Variants in CNTN1 observed in about 807,000 individuals in gnomAD.
The protein encoded by CNTN1 is contactin 1.
CNTN1 carries 38 observed loss-of-function variants against 126.4 expected under a neutral mutation model. The observed-to-expected ratio is 0.30, with a 90% CI of 0.23 to 0.39. The LOEUF (loss-of-function observed/expected upper bound fraction) is 0.39, where lower values mean the gene tolerates loss of function less well. Ranked by LOEUF, CNTN1 falls within the 10% of genes least tolerant of loss-of-function variation. The pLI is 1.00. For missense variants in CNTN1, 1,009 were observed against 1,248.4 expected (o/e 0.81, Z 2.89); for synonymous variants, 413 against 422.6 (o/e 0.98, Z 0.28).
chr12:40,719,004 AT>A (rs930548232), intron 1 of CNTN1, among the ~76,000 whole-genome samples: 3 of 150,466 alleles, frequency 2.0e-5, no homozygotes, highest in African/African-American at 2.4e-5. Context: ...GGAGGGGTTG[AT>A]TTTTTTTTAA....
At chr12:40,869,057 ATGATTAAATTT>A (rs1943401224) in intron 1 of CNTN1, among the ~76,000 whole-genome samples, 2 of 152,034 alleles carry the variant, frequency 1.3e-5, no homozygotes, top group South Asian at 4.1e-4. Context: ...AAAAAATTTT[ATGATTAAATTT>A]CTATTAATTT....
Position 41,016,830 on chromosome 12 carries a change from C to T in CNTN1, c.2333C>T (p.Thr778Ile). 6.2e-7 allele frequency: 1 copy of T among 1,614,130 alleles called. No homozygotes were observed. The highest frequency in any genetic ancestry group is 2.2e-5 in the East Asian group (1 of 44,858). ...VHKDETMSPS[T>I]AFQVKVKAFN... is the part of the protein sequence containing the mutation. ...AAAGATGAAACCATGAGCCCTTCCACTGCATTTCAAGTTAAAGTCAAGGCC... is the reference window on the plus strand; with the variant it reads ...AAAGATGAAACCATGAGCCCTTCCATTGCATTTCAAGTTAAAGTCAAGGCC... Residue 778 changes from threonine (T) to isoleucine (I), a missense_variant, in exon 19 of 24, where the codon ACT becomes ATT. Physicochemically the swap from Thr to Ile is moderately conservative, Grantham distance 89. Transcript: ENST00000551295.
chr12:40,713,217 TG>T (rs1225802843), intron 1 of CNTN1, among the ~76,000 whole-genome samples: 2 of 140,714 alleles, frequency 1.4e-5, no homozygotes, highest in East Asian at 4.0e-4. Flanking sequence ...TCCTATATCA[TG>T]GCTTTTTTTT....
intron 23 of CNTN1, among the ~76,000 whole-genome samples, chr12:41,063,236 T>C (rs1949976577): frequency 6.6e-6 from 1 of 152,252 alleles, no homozygotes; most frequent in Admixed American, 6.5e-5. Flanking sequence ...TTGTGTTGAT[T>C]AGCCTCAAGC....
intron 1 of CNTN1, among the ~76,000 whole-genome samples, chr12:40,722,930 GAT>G (rs1942255602): frequency 6.6e-6 from 1 of 152,062 alleles, no homozygotes; most frequent in Admixed American, 6.6e-5. Context: ...GTGTTTTGAA[GAT>G]AGAGTTGTGT....
At chr12:41,064,365 C>CT (rs1950005561) in intron 23 of CNTN1, among the ~76,000 whole-genome samples, 1 of 152,138 alleles carries the variant, frequency 6.6e-6, no homozygotes, top group Non-Finnish European at 1.5e-5. Flanking sequence ...GAGCTGGAAG[C>CT]TAGACTCTTA....
At chr12:40,720,657 G>A (rs1280109351) in intron 1 of CNTN1, among the ~76,000 whole-genome samples, 7 of 152,170 alleles carry the variant, frequency 4.6e-5, no homozygotes, top group East Asian at 3.9e-4. Flanking sequence ...GGCCAGGCGC[G>A]GTGGCTCATG....
intron 3 of CNTN1, among the ~76,000 whole-genome samples, chr12:40,917,870 A>C (rs1279139727): frequency 6.6e-6 from 1 of 152,146 alleles, no homozygotes; most frequent in African/African-American, 2.4e-5. Context: ...ATTTTAAACC[A>C]GTTGTTCAGA....
chr12:40,996,645 GCAATACATTTC>G (rs1260962271), intron 17 of CNTN1, among the ~76,000 whole-genome samples: 1 of 152,026 alleles, frequency 6.6e-6, no homozygotes, highest in Non-Finnish European at 1.5e-5. Flanking sequence ...TACCCATTTA[GCAATACATTTC>G]CAATTTTTAT....
At chr12:40,920,511 G>A (rs778957165) in intron 4 of CNTN1, among the ~76,000 whole-genome samples, 6 of 151,942 alleles carry the variant, frequency 3.9e-5, no homozygotes, top group Non-Finnish European at 7.4e-5. Flanking sequence ...AAAAAAAAGT[G>A]GGGGGAAAGA....
At chr12:40,935,724 A>G (rs1203063986) in intron 9 of CNTN1, among the ~76,000 whole-genome samples, 2 of 152,104 alleles carry the variant, frequency 1.3e-5, no homozygotes, top group African/African-American at 4.8e-5. Context: ...TCCCTATGTT[A>G]CAAATATAAT....
At position 40,840,620 on chromosome 12, in the gene CNTN1, T is replaced by A. The variant is rs76408179; in HGVS notation, c.-76-67737T>A. 3.4e-3 allele frequency among the ~76,000 whole-genome samples: 511 copies of A among 151,966 alleles called. 3 individuals carry two copies. The highest frequency in any genetic ancestry group is 0.011 in the African/African-American group (445 of 41,522). On this transcript the variant is annotated intron_variant, in intron 1 of 23. Coordinates refer to ENST00000551295, the MANE Select transcript of CNTN1 (RefSeq NM_001843.4). ...CAAAACAAGTCTCATCAATTTTTTT[T>A]AAAAATTGAAATTATATCAAGTATC...
At chr12:41,045,552 T>G (rs1256579829) in intron 23 of CNTN1, among the ~76,000 whole-genome samples, 2 of 152,134 alleles carry the variant, frequency 1.3e-5, no homozygotes, top group African/African-American at 4.8e-5. Flanking sequence ...AGAGGGAATA[T>G]AAAATGCTTA....
At chr12:41,061,070 A>G (rs1386685716) in intron 23 of CNTN1, among the ~76,000 whole-genome samples, 4 of 152,214 alleles carry the variant, frequency 2.6e-5, no homozygotes, top group African/African-American at 9.6e-5. Flanking sequence ...TGGTAACAGT[A>G]TGCAGATAGA....
intron 1 of CNTN1, among the ~76,000 whole-genome samples, chr12:40,793,260 G>A (rs999715409): frequency 6.6e-6 from 1 of 151,918 alleles, no homozygotes; most frequent in Non-Finnish European, 1.5e-5. Context: ...ACCTCAGGAT[G>A]GTATACAAAC....
chr12:40,949,207 T>G (rs1462852039), intron 14 of CNTN1, among the ~76,000 whole-genome samples: 6 of 92,654 alleles, frequency 6.5e-5, no homozygotes, highest in Admixed American at 2.4e-4. Context: ...TGTTTTTTTT[T>G]TTGTTTTTTT....
At chr12:40,889,717 G>T (rs1312169283) in intron 1 of CNTN1, among the ~76,000 whole-genome samples, 2 of 152,084 alleles carry the variant, frequency 1.3e-5, no homozygotes, top group African/African-American at 2.4e-5. Context: ...TAAAGAACTG[G>T]CAGTGATCGT....
At chr12:40,875,582 T>A (rs1943640531) in intron 1 of CNTN1, among the ~76,000 whole-genome samples, 1 of 152,122 alleles carries the variant, frequency 6.6e-6, no homozygotes, top group Non-Finnish European at 1.5e-5. Flanking sequence ...TATTACACAG[T>A]GTGGGATCCC....
chr12:41,047,014 A>G (rs555342044), intron 23 of CNTN1, among the ~76,000 whole-genome samples: 1 of 151,928 alleles, frequency 6.6e-6, no homozygotes, highest in South Asian at 2.1e-4. Context: ...CATATTAAAT[A>G]TAACTGTTCA....
Sources: gnomAD v4.1 joint callset for allele counts (sites outside exome capture counted in the v4.1 genomes callset) on GRCh38, gnomAD v4.1.1 for gene constraint, MANE v1.5 for transcripts, NCBI Gene and HGNC (gene_info 2026-07-23, HGNC 2026-07-21) for gene names.